The following CNTLN variants were observed in gnomAD, a reference collection of about 807,000 sequenced individuals.
CNTLN encodes the protein centlein, centrosomal protein.
In CNTLN, 212 loss-of-function variants were observed where a neutral mutation model predicts 180.0. The observed-to-expected ratio is 1.18, with a 90% CI of 1.05 to 1.32. The LOEUF is 1.32. Among genes scored for constraint, CNTLN ranks in the 40% most tolerant of loss-of-function variants. CNTLN has a pLI of 0.00. For synonymous variants in CNTLN, 722 were observed against 563.1 expected, an observed-to-expected ratio of 1.28 and a Z score of -3.99; for missense variants, 2,095 against 1,610.9, an observed-to-expected ratio of 1.30 and a Z score of -5.14.
chr9:17,179,653 G>A (rs973166960), intron 2 of CNTLN, among the ~76,000 whole-genome samples: 3 of 152,160 alleles, frequency 2.0e-5, no homozygotes, highest in Non-Finnish European at 2.9e-5. Context: ...GATGTTGGTG[G>A]ATTGTTCCAT....
intron 23 of CNTLN, among the ~76,000 whole-genome samples, chr9:17,469,515 G>C (rs1213727037): frequency 6.6e-6 from 1 of 151,766 alleles, no homozygotes; most frequent in Non-Finnish European, 1.5e-5. Context: ...GGTCTAGGCA[G>C]AAATGCTTAG....
chr9:17,278,382 A>G (rs940897221), intron 6 of CNTLN, among the ~76,000 whole-genome samples: 6 of 152,190 alleles, frequency 3.9e-5, no homozygotes, highest in Admixed American at 6.5e-5. Flanking sequence ...TTAGTAGCAC[A>G]TAAAATTTAC....
chr9:17,290,501 G>A (rs1405898898), intron 6 of CNTLN, among the ~76,000 whole-genome samples: 1 of 145,998 alleles, frequency 6.8e-6, no homozygotes, highest in African/African-American at 2.5e-5. Flanking sequence ...AGCCTACAGA[G>A]GCAGGCAGGC....
Position 17,330,738 on chromosome 9 carries a change from C to A in CNTLN, c.1448C>A (p.Ser483Ter). 6.2e-7 allele frequency: 1 copy of A among 1,611,840 alleles called. No individual in the cohort carries two copies. The highest frequency in any genetic ancestry group is 1.1e-5 in the South Asian group (1 of 90,774). Residue 483 changes from serine (S) to a stop codon, truncating the protein, a stop_gained, in exon 9 of 26, where the codon TCA (serine) becomes TAA (stop). Coordinates refer to ENST00000380647, the MANE Select transcript of CNTLN (RefSeq NM_017738.4). LOFTEE classifies it high-confidence loss of function. ...EKLKIANEKL[S>*]ENISANKGFS... is the part of the protein sequence containing the mutation. Reference sequence around the variant, plus strand: ...CTAAAGATAGCAAATGAAAAACTGTCAGAAAACATATCTGCCAACAAGGGT... The same window carrying A: ...CTAAAGATAGCAAATGAAAAACTGTAAGAAAACATATCTGCCAACAAGGGT...
At chr9:17,360,986 G>A (rs1193008552) in intron 12 of CNTLN, among the ~76,000 whole-genome samples, 1 of 152,018 alleles carries the variant, frequency 6.6e-6, no homozygotes, top group Non-Finnish European at 1.5e-5. Flanking sequence ...ACTTATTTCT[G>A]TCCACTTTTT....
At position 17,180,346 on chromosome 9, in the gene CNTLN, T is replaced by TTATTATATTATATTA. The variant is rs57685282; in HGVS notation, c.449+36989_449+37003dup. On this transcript the variant is annotated intron_variant, in intron 2 of 25. Transcript: ENST00000380647. ...TATATATCTTTAGTGGTTGCTCTAA[T>TTATTATATTATATTA]TATTATATTATATTATATTATATTA... Among the ~76,000 whole-genome samples the TTATTATATTATATTA allele has an allele frequency of 3.2e-3, 463 of 145,620 alleles. 6 individuals are homozygous for TTATTATATTATATTA. The highest frequency in any genetic ancestry group is 8.0e-3 in the African/African-American group (322 of 40,042).
intron 2 of CNTLN, among the ~76,000 whole-genome samples, chr9:17,206,642 A>T (rs926679356): frequency 6.6e-6 from 1 of 152,212 alleles, no homozygotes; most frequent in African/African-American, 2.4e-5. Context: ...ATGAGTATCA[A>T]ATTGAGTCTG....
intron 13 of CNTLN, among the ~76,000 whole-genome samples, chr9:17,370,472 C>T (rs1490025800): frequency 2.0e-5 from 3 of 152,106 alleles, no homozygotes; most frequent in African/African-American, 7.2e-5. Flanking sequence ...GCAAAAATAT[C>T]CTTCAAACAT....
intron 6 of CNTLN, among the ~76,000 whole-genome samples, 164 bp from the exon 7 acceptor site, chr9:17,298,026 A>G (rs1387061259): frequency 6.6e-6 from 1 of 152,220 alleles, no homozygotes; most frequent in African/African-American, 2.4e-5. Context: ...TGTGTATGTG[A>G]TAAATATTAA....
At chr9:17,218,707 G>C (rs956279502) in intron 2 of CNTLN, among the ~76,000 whole-genome samples, 3 of 152,028 alleles carry the variant, frequency 2.0e-5, no homozygotes, top group African/African-American at 7.2e-5. Context: ...TTTATTTTGT[G>C]TGTTATTTAT....
intron 5 of CNTLN, among the ~76,000 whole-genome samples, chr9:17,266,874 TG>T (rs1400109325): frequency 6.6e-6 from 1 of 152,172 alleles, no homozygotes; most frequent in Non-Finnish European, 1.5e-5. Context: ...TGCCTTTTTT[TG>T]TTTTCCATTT....
chr9:17,248,398 T>G (rs1017354669), intron 5 of CNTLN, among the ~76,000 whole-genome samples: 8 of 152,026 alleles, frequency 5.3e-5, no homozygotes, highest in African/African-American at 1.9e-4. Context: ...TGATAACTGA[T>G]TCAGTCTCTT....
At chr9:17,270,668 C>T (rs1231675262) in intron 5 of CNTLN, among the ~76,000 whole-genome samples, 1 of 152,004 alleles carries the variant, frequency 6.6e-6, no homozygotes, top group Non-Finnish European at 1.5e-5. Context: ...GGGGGTTATT[C>T]ATTTATTGTA....
At chr9:17,313,532 G>A (rs1025730086) in intron 8 of CNTLN, among the ~76,000 whole-genome samples, 4 of 151,682 alleles carry the variant, frequency 2.6e-5, no homozygotes, top group East Asian at 3.9e-4. Context: ...AGTTTTGTCC[G>A]GCTTTCCTTT....
chr9:17,501,282 A>G (rs115012525), intron 25 of CNTLN, among the ~76,000 whole-genome samples: 22 of 152,336 alleles, frequency 1.4e-4, no homozygotes, highest in African/African-American at 4.8e-4. Context: ...GGCTACCTTA[A>G]GGAGAAGGCA....
intron 12 of CNTLN, among the ~76,000 whole-genome samples, chr9:17,366,307 G>A (rs994496216): frequency 1.1e-4 from 16 of 151,460 alleles, no homozygotes; most frequent in African/African-American, 3.9e-4. Context: ...TATTGTTGTT[G>A]TTATTATTAT....
At chr9:17,238,941 A>G (rs78819060) in intron 5 of CNTLN, among the ~76,000 whole-genome samples, 48,014 of 152,008 alleles carry the variant, frequency 0.32, 10,247 homozygotes, top group East Asian at 0.62. Flanking sequence ...CACTTTGAGG[A>G]TTTTGATTTT....
chr9:17,238,753 A>G (rs1825308573), intron 5 of CNTLN, among the ~76,000 whole-genome samples: 1 of 152,166 alleles, frequency 6.6e-6, no homozygotes, highest in African/African-American at 2.4e-5. Flanking sequence ...GTCAGCCATG[A>G]ACTTTGCCAT....
chr9:17,187,538 C>A lies in CNTLN; in HGVS notation c.450-38665C>A, dbSNP rs1459490497. Among the ~76,000 whole-genome samples, 4 of 151,956 alleles carry A rather than the reference C, an allele frequency of 2.6e-5. No individual in the cohort carries two copies. The East Asian group carries it at 5.8e-4, about 22-fold the overall frequency. ...TCTCTAATAGTTCACATATATTCCC[C>A]TAGTATTTTTTCTGTGCAAATAAAT... is the stretch of plus-strand genomic sequence containing the variant. On this transcript the variant is annotated intron_variant, in intron 2 of 25. Coordinates refer to ENST00000380647, the MANE Select transcript of CNTLN (RefSeq NM_017738.4).
Sources: gnomAD v4.1 joint callset for allele counts (sites outside exome capture counted in the v4.1 genomes callset) on GRCh38, gnomAD v4.1.1 for gene constraint, MANE v1.5 for transcripts, NCBI Gene and HGNC (gene_info 2026-07-23, HGNC 2026-07-21) for gene names.